Variants in IMMP2L observed in about 807,000 individuals in gnomAD.
IMMP2L encodes inner mitochondrial membrane peptidase subunit 2.
IMMP2L carries 18 observed loss-of-function variants against 19.3 expected under a neutral mutation model. That is an observed-to-expected ratio of 0.93 (90% CI 0.64 to 1.38). IMMP2L has a LOEUF of 1.38. Ranked by LOEUF, IMMP2L falls within the 40% of genes most tolerant of loss-of-function variation. The probability of loss-of-function intolerance (pLI) is 0.00; values close to 1 mark genes in which losing one functional copy is unlikely to be tolerated. For missense variants in IMMP2L, 233 were observed against 218.2 expected, an observed-to-expected ratio of 1.07 and a Z score of -0.43; for synonymous variants, 76 against 73.0, an observed-to-expected ratio of 1.04 and a Z score of -0.21.
chr7:111,170,408 C>T (rs1296819677), intron 3 of IMMP2L, among the ~76,000 whole-genome samples: 1 of 151,768 alleles, frequency 6.6e-6, no homozygotes, highest in Non-Finnish European at 1.5e-5. Context: ...GGCAAAAGTC[C>T]AGAACAACTG....
At chr7:111,419,697 C>T (rs893925154) in intron 3 of IMMP2L, among the ~76,000 whole-genome samples, 1 of 151,584 alleles carries the variant, frequency 6.6e-6, no homozygotes, top group African/African-American at 2.4e-5. Flanking sequence ...TGAAACCAAA[C>T]TGTGTTCTGA....
chr7:111,519,368 C>T (rs1303619840), intron 2 of IMMP2L, among the ~76,000 whole-genome samples: 1 of 152,120 alleles, frequency 6.6e-6, no homozygotes, highest in East Asian at 1.9e-4. Flanking sequence ...CAATAAATCC[C>T]CTTTATACCA....
At chr7:110,882,328 CCTT>C (rs1288764625) in intron 5 of IMMP2L, among the ~76,000 whole-genome samples, 1 of 106,096 alleles carries the variant, frequency 9.4e-6, no homozygotes, top group African/African-American at 2.8e-5. Flanking sequence ...TTCCTTCCTT[CCTT>C]CCTTCCTTCC....
intron 5 of IMMP2L, among the ~76,000 whole-genome samples, chr7:110,665,701 G>T (rs1791401687): frequency 6.6e-6 from 1 of 152,092 alleles, no homozygotes; most frequent in South Asian, 2.1e-4. Flanking sequence ...CAAATCAGGA[G>T]GCACAAAATA....
intron 3 of IMMP2L, among the ~76,000 whole-genome samples, chr7:111,323,936 A>G (rs1825031585): frequency 6.6e-6 from 1 of 152,078 alleles, no homozygotes; most frequent in Admixed American, 6.6e-5. Flanking sequence ...GTGGGAAATG[A>G]ACAATGAGAA....
chr7:111,045,632 G>A (rs1159641573), intron 3 of IMMP2L, among the ~76,000 whole-genome samples: 2 of 152,198 alleles, frequency 1.3e-5, no homozygotes, highest in East Asian at 1.9e-4. Context: ...CCAGAGTGAT[G>A]CAATATAAGA....
At chr7:110,768,280 T>C (rs1798801654) in intron 5 of IMMP2L, among the ~76,000 whole-genome samples, 2 of 143,960 alleles carry the variant, frequency 1.4e-5, no homozygotes, top group African/African-American at 2.6e-5. Flanking sequence ...GACCTTGATA[T>C]GTTTGAGGAA....
At chr7:111,373,930 T>C (rs1333011970) in intron 3 of IMMP2L, among the ~76,000 whole-genome samples, 3 of 151,970 alleles carry the variant, frequency 2.0e-5, no homozygotes, top group Non-Finnish European at 4.4e-5. Flanking sequence ...TTGAATCAAA[T>C]CGAAGTTGAG....
chr7:110,840,455 C>T (rs1180077983), intron 5 of IMMP2L, among the ~76,000 whole-genome samples: 1 of 151,998 alleles, frequency 6.6e-6, no homozygotes, highest in African/African-American at 2.4e-5. Context: ...AGTTTACAAT[C>T]TGGAAAAGGA....
intron 3 of IMMP2L, among the ~76,000 whole-genome samples, chr7:111,421,267 C>CTTTTTTT (rs1227013257): frequency 2.8e-4 from 34 of 122,906 alleles, no homozygotes; most frequent in East Asian, 4.7e-4. Flanking sequence ...TTGTTTTTTT[C>CTTTTTTT]TTTTTTTTTT....
At chr7:111,063,670 T>C (rs1006268323) in intron 3 of IMMP2L, among the ~76,000 whole-genome samples, 1 of 150,478 alleles carries the variant, frequency 6.6e-6, no homozygotes, top group Admixed American at 6.6e-5. Context: ...TAAAAATTTC[T>C]TCCTCCAGAT....
At chr7:110,706,708 T>C (rs1046521284) in intron 5 of IMMP2L, among the ~76,000 whole-genome samples, 2 of 152,176 alleles carry the variant, frequency 1.3e-5, no homozygotes, top group Non-Finnish European at 2.9e-5. Context: ...TTTTTGCTTG[T>C]TGATTTCCTT....
At chr7:111,312,796 C>A (rs1271390525) in intron 3 of IMMP2L, among the ~76,000 whole-genome samples, 1 of 152,116 alleles carries the variant, frequency 6.6e-6, no homozygotes, top group African/African-American at 2.4e-5. Context: ...GATAACCAAT[C>A]TCAAATTCTC....
chr7:110,977,988 T>C (rs1362157533), intron 3 of IMMP2L, among the ~76,000 whole-genome samples: 1 of 152,038 alleles, frequency 6.6e-6, no homozygotes, highest in Non-Finnish European at 1.5e-5. Context: ...GTTTCATCTG[T>C]TGTGTATTTT....
chr7:111,251,164 TC>T (rs1339374395), intron 3 of IMMP2L, among the ~76,000 whole-genome samples: 1 of 152,098 alleles, frequency 6.6e-6, no homozygotes, highest in Non-Finnish European at 1.5e-5. Flanking sequence ...ACATCACTCA[TC>T]ATTAGAGAAA....
chr7:111,514,888 C>T (rs1845750738), intron 2 of IMMP2L, among the ~76,000 whole-genome samples: 2 of 151,998 alleles, frequency 1.3e-5, no homozygotes, highest in Admixed American at 1.3e-4. Flanking sequence ...ATACCATTAT[C>T]ACCCCAAAAA....
intron 3 of IMMP2L, among the ~76,000 whole-genome samples, chr7:111,364,007 C>A (rs78243886): frequency 2.6e-5 from 4 of 151,736 alleles, no homozygotes; most frequent in Non-Finnish European, 4.4e-5. Flanking sequence ...GATCCCCCCC[C>A]ACACACACAC....
chr7:110,947,897 C>T (rs758006450), intron 4 of IMMP2L, among the ~76,000 whole-genome samples: 10 of 152,124 alleles, frequency 6.6e-5, no homozygotes, highest in Non-Finnish European at 1.2e-4. Flanking sequence ...AGTAGAAAAT[C>T]TCTTTGATTC....
At chr7:110,827,241 C>T (rs1325775045) in intron 5 of IMMP2L, among the ~76,000 whole-genome samples, 2 of 152,120 alleles carry the variant, frequency 1.3e-5, no homozygotes, top group East Asian at 3.9e-4. Flanking sequence ...ATAAGCAACC[C>T]ACCCAAAGAC....
Sources: gnomAD v4.1 joint callset for allele counts (sites outside exome capture counted in the v4.1 genomes callset) on GRCh38, gnomAD v4.1.1 for gene constraint, MANE v1.5 for transcripts, NCBI Gene and HGNC (gene_info 2026-07-23, HGNC 2026-07-21) for gene names.